The following VWA3A variants were observed in gnomAD, a reference collection of about 807,000 sequenced individuals.
VWA3A encodes the protein von Willebrand factor A domain containing 3A.
Under a neutral mutation model 160.4 loss-of-function variants are expected in VWA3A, and 134 were observed. The observed-to-expected ratio is 0.84, with a 90% confidence interval of 0.73 to 0.96. The LOEUF is 0.96. Ranked by LOEUF, VWA3A falls within the 40% of genes least tolerant of loss-of-function variation. The pLI is 0.00. For synonymous variants in VWA3A, 476 were observed against 543.4 expected, an observed-to-expected ratio of 0.88 and a Z score of 1.72; for missense variants, 1,310 against 1,447.9, an observed-to-expected ratio of 0.90 and a Z score of 1.55.
At chr16:22,094,862 G>A (rs998253303) in intron 1 of VWA3A, among the ~76,000 whole-genome samples, 2 of 151,806 alleles carry the variant, frequency 1.3e-5, no homozygotes, top group African/African-American at 4.8e-5. Flanking sequence ...AGCTATGTGG[G>A]AGGCTAAGGC....
At chr16:22,094,070 G>A (rs1303548792) in intron 1 of VWA3A, among the ~76,000 whole-genome samples, 3 of 151,918 alleles carry the variant, frequency 2.0e-5, no homozygotes, top group African/African-American at 4.8e-5. Flanking sequence ...CATTGCACCC[G>A]GCCCCGTGCT....
chr16:22,095,517 A>G (rs1360156388), intron 1 of VWA3A, among the ~76,000 whole-genome samples: 2 of 152,194 alleles, frequency 1.3e-5, no homozygotes, highest in Non-Finnish European at 2.9e-5. Context: ...AGTTTTAAGC[A>G]GGAGGGAGAA....
At chr16:22,116,304 A>T (rs1370673018) in intron 9 of VWA3A, 1 of 431,606 alleles carries the variant, frequency 2.3e-6, no homozygotes, top group Admixed American at 2.7e-5. Flanking sequence ...AGGAAGAGAG[A>T]AAAAAGAGAA....
rs964490435 is a variant in VWA3A at position 22,156,644 on chromosome 16, TG to T, written c.*629del. 9.8e-5 allele frequency: 15 copies of T among 152,298 alleles called. No individual in the cohort carries two copies. Among genetic ancestry groups the T allele is most frequent in the African/African-American group, 3.6e-4 (15 of 41,548 alleles). 9.4% of individuals were successfully genotyped at this position (152,298 alleles called of 1,614,324 possible). ...CGGCTGAGCTGTGAGAGCCTAGCTC[TG>T]GAAAGCAGCTGATGGGGTGGTCTCC... On this transcript the variant is annotated 3_prime_UTR_variant, in exon 34 of 34. Coordinates refer to ENST00000389398, the MANE Select transcript of VWA3A (RefSeq NM_173615.5).
intron 11 of VWA3A, among the ~76,000 whole-genome samples, chr16:22,118,543 G>A (rs967683100): frequency 1.2e-4 from 18 of 152,004 alleles, no homozygotes; most frequent in Admixed American, 1.0e-3. Flanking sequence ...AAAATTAGCC[G>A]GGCGTGGTGG....
intron 21 of VWA3A, 120 bp downstream of exon 21, chr16:22,134,558 G>C: frequency 4.8e-6 from 4 of 838,956 alleles, no homozygotes; most frequent in Non-Finnish European, 7.2e-6. Context: ...CACTTCCAGA[G>C]GCTGGAAGTC....
chr16:22,142,938 G>A (rs2046179967), intron 25 of VWA3A, among the ~76,000 whole-genome samples, 173 bp downstream of exon 25: 1 of 152,018 alleles, frequency 6.6e-6, no homozygotes, highest in African/African-American at 2.4e-5. Flanking sequence ...ATCACTTGAG[G>A]TCAGGAGTTC....
chr16:22,123,390 T>C (rs1242743494), intron 15 of VWA3A: 8 of 1,439,862 alleles, frequency 5.6e-6, no homozygotes, highest in Non-Finnish European at 7.5e-6. Flanking sequence ...TGGGGAAAGA[T>C]CTGCTTCCTT....
Position 22,155,672 on chromosome 16 carries a change from C to T in VWA3A, c.3503+8C>T. The T allele has an allele frequency of 6.2e-7, 1 of 1,613,504 alleles. No homozygotes were observed. Among genetic ancestry groups the T allele is most frequent in the Non-Finnish European group, 8.5e-7 (1 of 1,179,538 alleles). On this transcript the variant is annotated splice_region_variant and intron_variant, in intron 32 of 33. Coordinates refer to ENST00000389398, the MANE Select transcript of VWA3A (RefSeq NM_173615.5). ...GCAGGCCCAATCCTTCAGGTATGCC[C>T]TTCACGCAGCCTCTCCGGCCTGCCA...
rs953043767 is a variant in VWA3A, at chr16:22,109,429, A to C, written c.484-53A>C. ...TGCGTGGCACAGAGCAGCTCAGTGTAGGAGACACACAGACTTGCACTGGCT... is the reference window on the plus strand; with the variant it reads ...TGCGTGGCACAGAGCAGCTCAGTGTCGGAGACACACAGACTTGCACTGGCT... On this transcript the variant is annotated intron_variant, in intron 6 of 33. Coordinates refer to ENST00000389398, the MANE Select transcript of VWA3A (RefSeq NM_173615.5). 8 of 1,425,626 alleles carry C rather than the reference A, an allele frequency of 5.6e-6. No individual in the cohort carries two copies. In the Admixed American group the frequency reaches 1.4e-4, roughly 24 times the overall value. 88.3% of individuals were successfully genotyped at this position (1,425,626 alleles called of 1,614,324 possible).
chr16:22,141,505 G>A, intron 23 of VWA3A, 77 bp from the exon 24 acceptor site: 1 of 1,371,086 alleles, frequency 7.3e-7, no homozygotes, highest in Non-Finnish European at 1.0e-6. Flanking sequence ...GAACTTGAGT[G>A]TCTCTAAGCC....
intron 9 of VWA3A, chr16:22,116,467 AAGAG>A (rs1194013110): frequency 1.2e-5 from 6 of 494,574 alleles, no homozygotes; most frequent in African/African-American, 4.0e-5. Flanking sequence ...GGAAAGAAGG[AAGAG>A]AGAGAAAGAA....
At chr16:22,098,911 CAAAAAAAAAAAAAAA>C (rs900328333) in intron 3 of VWA3A, among the ~76,000 whole-genome samples, 10 of 41,058 alleles carry the variant, frequency 2.4e-4, no homozygotes, top group African/African-American at 1.0e-3. Context: ...CCTGTTTCCA[CAAAAAAAAAAAAAAA>C]AAAAAAAAAA....
chr16:22,101,109 G>C (rs1437908483), intron 5 of VWA3A, among the ~76,000 whole-genome samples: 2 of 151,828 alleles, frequency 1.3e-5, no homozygotes, highest in Non-Finnish European at 2.9e-5. Context: ...CCATAGTCTA[G>C]GGCCAGGCAT....
chr16:22,109,195 T>A (rs1230753626), intron 6 of VWA3A, among the ~76,000 whole-genome samples: 1 of 152,178 alleles, frequency 6.6e-6, no homozygotes, highest in Non-Finnish European at 1.5e-5. Flanking sequence ...TTTTCTATAG[T>A]CTCCAGATTT....
chr16:22,099,776 A>T (rs1483073408), intron 3 of VWA3A, among the ~76,000 whole-genome samples: 1 of 152,128 alleles, frequency 6.6e-6, no homozygotes, highest in Non-Finnish European at 1.5e-5. Flanking sequence ...CCTGTCTCTA[A>T]CACGGACAAA....
At position 22,115,369 on chromosome 16, in the gene VWA3A, G is replaced by T; in HGVS notation, c.712G>T (p.Val238Leu). ...ASTLQELKLW[V>L]KTLQPDGGSN... The stretch of plus-strand genomic sequence containing the variant: ...CAGCCTCCAGGAACTTAAGCTCTGG[G>T]TAAAGACGCTGCAGCCTGATGGAGG... The change falls in exon 9 of 34, where the codon GTA (valine) becomes TTA (leucine). Residue 238 changes from valine (V) to leucine (L), a missense_variant. Coordinates refer to ENST00000389398, the MANE Select transcript of VWA3A (RefSeq NM_173615.5). The T allele has an allele frequency of 6.2e-7, 1 of 1,600,294 alleles. No individual in the cohort carries two copies. The highest frequency in any genetic ancestry group is 1.7e-4 in the Middle Eastern group (1 of 5,992).
chr16:22,143,943 T>C (rs1402073591), intron 25 of VWA3A, among the ~76,000 whole-genome samples: 1 of 151,818 alleles, frequency 6.6e-6, no homozygotes, highest in Non-Finnish European at 1.5e-5. Flanking sequence ...TTTCACCATG[T>C]TGGCCAGGCT....
At chr16:22,154,844 C>A (rs892695196) in intron 31 of VWA3A, among the ~76,000 whole-genome samples, 2 of 150,492 alleles carry the variant, frequency 1.3e-5, no homozygotes, top group African/African-American at 2.4e-5. Context: ...GTCCCAGCTG[C>A]TCGGGAGGCT....
Sources: allele counts gnomAD v4.1 joint callset (sites outside exome capture counted in the v4.1 genomes callset), GRCh38; gene constraint gnomAD v4.1.1; transcripts MANE v1.5; gene names NCBI Gene and HGNC (gene_info 2026-07-23, HGNC 2026-07-21).